PRKCZ: variants seen among roughly 807,000 people sequenced by gnomAD.
PRKCZ encodes the protein protein kinase C zeta.
Under a neutral mutation model 79.5 loss-of-function variants are expected in PRKCZ, and 33 were observed. The ratio of observed to expected loss-of-function variants is 0.41; its 90% CI spans 0.31 to 0.55. The LOEUF is 0.55. Among genes scored for constraint, PRKCZ ranks in the 20% least tolerant of loss-of-function variants. The pLI, the probability that PRKCZ is intolerant of heterozygous loss-of-function variation, is 0.19. For missense variants in PRKCZ, 578 were observed against 813.5 expected (o/e 0.71, Z 3.52); for synonymous variants, 342 against 320.9 (o/e 1.07, Z -0.70).
At chr1:2,136,596 G>C (rs1676251609) in intron 5 of PRKCZ, among the ~76,000 whole-genome samples, 1 of 152,186 alleles carries the variant, frequency 6.6e-6, no homozygotes, top group African/African-American at 2.4e-5. Flanking sequence ...GAAATGGGGA[G>C]CCTAGGCGGC....
intron 9 of PRKCZ, among the ~76,000 whole-genome samples, chr1:2,154,987 A>G (rs1217929155): frequency 2.0e-5 from 3 of 152,220 alleles, no homozygotes; most frequent in East Asian, 1.9e-4. Flanking sequence ...AACTGGAGAT[A>G]ATAATACCTG....
chr1:2,181,727 G>A (rs2100545022), intron 16 of PRKCZ: 1 of 444,720 alleles, frequency 2.2e-6, no homozygotes, highest in Non-Finnish European at 4.5e-6. Context: ...GCTGGGTCCT[G>A]CTCTGTTCCC....
chr1:2,071,305 T>G, intron 4 of PRKCZ: 1 of 450,106 alleles, frequency 2.2e-6, no homozygotes, highest in Non-Finnish European at 4.4e-6. Flanking sequence ...CCAGGGAGGG[T>G]CAAGTGGGAA....
At chr1:2,184,896 C>T (rs756765858) in intron 17 of PRKCZ, 26 bp from the exon 18 acceptor site, 10 of 1,599,762 alleles carry the variant, frequency 6.3e-6, no homozygotes, top group Non-Finnish European at 7.7e-6. Context: ...GGTCACCCCC[C>T]TCCCCCCTGC....
intron 4 of PRKCZ, chr1:2,074,279 T>C: frequency 6.5e-7 from 1 of 1,549,386 alleles, no homozygotes; most frequent in Non-Finnish European, 8.7e-7. Flanking sequence ...ACGGATGGTG[T>C]GTGGCCCAGG....
At chr1:2,102,545 G>A (rs775164662) in intron 4 of PRKCZ, among the ~76,000 whole-genome samples, 3 of 152,006 alleles carry the variant, frequency 2.0e-5, no homozygotes, top group African/African-American at 7.3e-5. Context: ...TGTTAGCCGG[G>A]ATGGTCTCGA....
chr1:2,144,142 G>A (rs1004664455), intron 5 of PRKCZ, 68 bp from the exon 6 acceptor site: 2 of 1,526,538 alleles, frequency 1.3e-6, no homozygotes, highest in Non-Finnish European at 1.8e-6. Context: ...AGGTGTGGAA[G>A]GCCCTGCCTG....
intron 6 of PRKCZ, chr1:2,144,889 C>T (rs75406924): frequency 0.013 from 2,079 of 156,554 alleles, 42 homozygotes; most frequent in African/African-American, 0.047. Flanking sequence ...TCCGTGTGGC[C>T]CCCTGCATCC....
chr1:2,115,263 C>T (rs936697969), intron 4 of PRKCZ, among the ~76,000 whole-genome samples: 1 of 152,268 alleles, frequency 6.6e-6, no homozygotes, highest in Admixed American at 6.5e-5. Context: ...GAATTCTCCA[C>T]GTCTTATGTA....
chr1:2,157,757 C>T (rs994083818), intron 10 of PRKCZ, among the ~76,000 whole-genome samples: 5 of 147,726 alleles, frequency 3.4e-5, no homozygotes, highest in Non-Finnish European at 7.4e-5. Context: ...CTTGCTCTGT[C>T]GCCCCAGGCT....
intron 4 of PRKCZ, among the ~76,000 whole-genome samples, chr1:2,126,768 C>T (rs1421883850): frequency 2.0e-5 from 3 of 152,202 alleles, no homozygotes; most frequent in African/African-American, 4.8e-5. Flanking sequence ...GCCCCTCACC[C>T]GGGGTTGCCT....
chr1:2,133,959 T>TG (rs948482917), intron 4 of PRKCZ: 2 of 152,240 alleles, frequency 1.3e-5, no homozygotes, highest in South Asian at 2.1e-4. Flanking sequence ...TGGCCGCCCC[T>TG]GGGGGTCTGC....
chr1:2,087,979 C>T (rs1452022314), intron 4 of PRKCZ, among the ~76,000 whole-genome samples: 3 of 152,182 alleles, frequency 2.0e-5, no homozygotes, highest in East Asian at 1.9e-4. Context: ...TGGTGCCTGG[C>T]GCGTGCTGGC....
At chr1:2,132,415 A>G (rs1675167684) in intron 4 of PRKCZ, among the ~76,000 whole-genome samples, 1 of 152,112 alleles carries the variant, frequency 6.6e-6, no homozygotes, top group Non-Finnish European at 1.5e-5. Context: ...GGGGGAGCAA[A>G]TGGTCCTCGT....
intron 4 of PRKCZ, chr1:2,104,835 C>T (rs754458864): frequency 2.3e-5 from 23 of 985,680 alleles, no homozygotes; most frequent in Middle Eastern, 5.2e-4. Context: ...CCGGGTGTTG[C>T]GGTGTGAGCG....
At chr1:2,120,293 G>GT (rs59518072) in intron 4 of PRKCZ, among the ~76,000 whole-genome samples, 3,126 of 32,790 alleles carry the variant, frequency 0.095, 1,155 homozygotes, top group Non-Finnish European at 0.12. Flanking sequence ...TTGACTTTTC[G>GT]TTTTTTTTTT....
intron 4 of PRKCZ, among the ~76,000 whole-genome samples, chr1:2,066,018 G>T (rs1236889375): frequency 6.6e-6 from 1 of 152,042 alleles, no homozygotes; most frequent in African/African-American, 2.4e-5. Flanking sequence ...TGCTCTTGGT[G>T]TGTAATTTTC....
chr1:2,135,865 G>C (rs1676094603), intron 5 of PRKCZ, among the ~76,000 whole-genome samples: 1 of 152,162 alleles, frequency 6.6e-6, no homozygotes, highest in South Asian at 2.1e-4. Flanking sequence ...TCTTTATGAT[G>C]CTTTTCTAGT....
intron 4 of PRKCZ, among the ~76,000 whole-genome samples, chr1:2,131,225 C>T (rs931943215): frequency 4.6e-5 from 7 of 152,216 alleles, no homozygotes; most frequent in Non-Finnish European, 7.3e-5. Context: ...AAGCTCCAGG[C>T]GGCACCCGTG....
Sources: allele counts gnomAD v4.1 joint callset (sites outside exome capture counted in the v4.1 genomes callset), GRCh38; gene constraint gnomAD v4.1.1; transcripts MANE v1.5; gene names NCBI Gene and HGNC (gene_info 2026-07-23, HGNC 2026-07-21).